Variants in PLCL1 observed in about 807,000 individuals in gnomAD.
The protein encoded by PLCL1 is phospholipase C like 1 (inactive), also known as inactive phospholipase C-like protein 1.
A neutral mutation model predicts 84.4 loss-of-function variants in PLCL1; 41 were observed. The ratio of observed to expected loss-of-function variants is 0.49; its 90% CI spans 0.38 to 0.63. PLCL1 has a LOEUF of 0.63. Among genes scored for constraint, PLCL1 ranks in the 30% least tolerant of loss-of-function variants. PLCL1 has a pLI of 0.00. For synonymous variants in PLCL1, 490 were observed against 488.3 expected (o/e 1.00, Z -0.05); for missense variants, 1,206 against 1,367.8 (o/e 0.88, Z 1.87).
chr2:197,908,072 GA>G (rs1559041938), intron 1 of PLCL1, among the ~76,000 whole-genome samples: 1 of 152,170 alleles, frequency 6.6e-6, no homozygotes, highest in Non-Finnish European at 1.5e-5. Flanking sequence ...TGAGAAAGAA[GA>G]TGAGTATAAG....
intron 1 of PLCL1, among the ~76,000 whole-genome samples, chr2:197,861,782 A>C (rs1019898985): frequency 9.2e-5 from 14 of 152,272 alleles, no homozygotes; most frequent in African/African-American, 3.4e-4. Context: ...CTACCCCTAC[A>C]TTTGGTCACA....
At chr2:198,142,328 C>T (rs1052840572) in intron 5 of PLCL1, among the ~76,000 whole-genome samples, 3 of 151,980 alleles carry the variant, frequency 2.0e-5, no homozygotes, top group Non-Finnish European at 4.4e-5. Context: ...TAAATGTTAG[C>T]TGCTGTTTAG....
rs186356740 is a variant in PLCL1 at position 197,989,991 on chromosome 2, T to A, written c.241-93767T>A. ...TAGATTACAGTTGGAGAATCCCATT[T>A]TGCTAAAGATAGTATTGAGTCTGGA... On this transcript the variant is annotated intron_variant, in intron 1 of 5. Transcript: ENST00000428675. Among the ~76,000 whole-genome samples the A allele has an allele frequency of 1.9e-4, 29 of 152,310 alleles. No homozygotes were observed. The East Asian group carries it at 5.2e-3, about 27-fold the overall frequency.
chr2:197,808,488 C>T (rs1466518245), intron 1 of PLCL1, among the ~76,000 whole-genome samples: 1 of 151,962 alleles, frequency 6.6e-6, no homozygotes, highest in Non-Finnish European at 1.5e-5. Flanking sequence ...GTGGTTTGTT[C>T]CCTTTAGCAT....
intron 1 of PLCL1, among the ~76,000 whole-genome samples, chr2:197,960,661 C>A (rs1231924025): frequency 6.6e-6 from 1 of 151,990 alleles, no homozygotes; most frequent in Non-Finnish European, 1.5e-5. Flanking sequence ...CTTAGAGGAC[C>A]AAGATTTGCT....
chr2:197,859,888 T>G (rs981636793), intron 1 of PLCL1, among the ~76,000 whole-genome samples: 2 of 152,146 alleles, frequency 1.3e-5, no homozygotes, highest in Non-Finnish European at 2.9e-5. Context: ...AAAAAATTTT[T>G]TTAAGTTCAG....
rs767387425 is a variant in PLCL1 at position 198,146,990 on chromosome 2, A to G, written c.*28A>G. ...CTGGGCATTATCGACACGTTCACCC[A>G]TCTTATCAAGGACTCTGGTTTCTCA... On this transcript the variant is annotated 3_prime_UTR_variant, in exon 6 of 6. Transcript: ENST00000428675. 7 of 1,539,874 alleles carry G rather than the reference A, an allele frequency of 4.5e-6. No individual in the cohort carries two copies. The East Asian group carries it at 1.1e-4, about 25-fold the overall frequency.
chr2:197,981,798 T>C (rs937392044), intron 1 of PLCL1, among the ~76,000 whole-genome samples: 1 of 152,212 alleles, frequency 6.6e-6, no homozygotes, highest in African/African-American at 2.4e-5. Flanking sequence ...AGGGCCATAC[T>C]GCAGGAAAGA....
At position 197,959,383 on chromosome 2, in the gene PLCL1, A is replaced by T. The variant is rs375265837; in HGVS notation, c.241-124375A>T. On this transcript the variant is annotated intron_variant, in intron 1 of 5. Transcript: ENST00000428675. The stretch of plus-strand genomic sequence containing the variant: ...GTCTTCTACTGATTGGATAAGACCT[A>T]CCCACATTGTGGACGGTGATCTGCT... Among the ~76,000 whole-genome samples the T allele has an allele frequency of 4.6e-5, 7 of 152,134 alleles. No individual in the cohort carries two copies. In the East Asian group the frequency reaches 1.4e-3, roughly 29 times the overall value.
In PLCL1 at chr2:198,028,197, A is replaced by C. The variant is rs184177323; in HGVS notation, c.241-55561A>C. On this transcript the variant is annotated intron_variant, in intron 1 of 5. Coordinates refer to ENST00000428675, the MANE Select transcript of PLCL1 (RefSeq NM_006226.4). ...GTAAATCAAAGACTTTCTCAAAATA[A>C]AAAGTTAAAAGTAAAAATTTATACC... Among the ~76,000 whole-genome samples, 722 of 152,352 alleles carry C rather than the reference A, an allele frequency of 4.7e-3. 4 individuals carry two copies. The highest frequency in any genetic ancestry group is 0.017 in the African/African-American group (696 of 41,578).
At chr2:197,867,249 T>C (rs944464727) in intron 1 of PLCL1, among the ~76,000 whole-genome samples, 1 of 152,190 alleles carries the variant, frequency 6.6e-6, no homozygotes, top group Non-Finnish European at 1.5e-5. Flanking sequence ...GATCTCATTT[T>C]ATTCTTTCTC....
intron 1 of PLCL1, among the ~76,000 whole-genome samples, chr2:197,968,229 A>G (rs984476911): frequency 6.6e-6 from 1 of 152,202 alleles, no homozygotes; most frequent in African/African-American, 2.4e-5. Flanking sequence ...AATCTTCACT[A>G]GTAAATGAGA....
At chr2:198,030,588 G>A (rs1288694727) in intron 1 of PLCL1, among the ~76,000 whole-genome samples, 4 of 152,154 alleles carry the variant, frequency 2.6e-5, no homozygotes, top group Admixed American at 2.6e-4. Flanking sequence ...GATAATCATA[G>A]TAGTTATCAT....
intron 5 of PLCL1, among the ~76,000 whole-genome samples, chr2:198,138,450 C>T (rs1393153885): frequency 6.6e-6 from 1 of 152,148 alleles, no homozygotes. Flanking sequence ...CCAGGGTTTA[C>T]AATTCAACAT....
At chr2:198,089,153 A>T (rs187943141) in intron 3 of PLCL1, 92 bp downstream of exon 3, 1 of 875,842 alleles carries the variant, frequency 1.1e-6, no homozygotes, top group East Asian at 2.4e-5. Context: ...AATGAATAAC[A>T]CAGGGTGACT....
intron 5 of PLCL1, among the ~76,000 whole-genome samples, chr2:198,114,705 T>C (rs1693697540): frequency 6.6e-6 from 1 of 151,890 alleles, no homozygotes; most frequent in Non-Finnish European, 1.5e-5. Context: ...TTTTCTGATA[T>C]TGTTACTCAA....
At chr2:198,008,813 C>A (rs1690796330) in intron 1 of PLCL1, among the ~76,000 whole-genome samples, 1 of 152,020 alleles carries the variant, frequency 6.6e-6, no homozygotes, top group Non-Finnish European at 1.5e-5. Flanking sequence ...ATTTTACATT[C>A]CCACCAATAA....
intron 1 of PLCL1, among the ~76,000 whole-genome samples, chr2:197,965,149 A>C (rs566715636): frequency 6.6e-6 from 1 of 152,080 alleles, no homozygotes; most frequent in South Asian, 2.1e-4. Flanking sequence ...TTTTTCTTTA[A>C]ATATTTGGTA....
chr2:198,088,951 A>C lies in PLCL1; in HGVS notation c.2809A>C (p.Ser937Arg). ...LLTLSSRLIT[S>R]DNTPSVSLVM... Reference sequence around the variant, plus strand: ...AACTCTGTCATCTCGGCTCATCACCAGTGACAATACTCCTTCAGTCTCACT... The same window carrying C: ...AACTCTGTCATCTCGGCTCATCACCCGTGACAATACTCCTTCAGTCTCACT... The change falls in exon 3 of 6, where the codon AGT (serine) becomes CGT (arginine). Residue 937 changes from serine (S) to arginine (R), a missense_variant. Transcript: ENST00000428675. The C allele has an allele frequency of 6.2e-7, 1 of 1,612,772 alleles. No homozygotes were observed. The highest frequency in any genetic ancestry group is 1.7e-5 in the Admixed American group (1 of 60,016).
Sources: allele counts gnomAD v4.1 joint callset (sites outside exome capture counted in the v4.1 genomes callset), GRCh38; gene constraint gnomAD v4.1.1; transcripts MANE v1.5; gene names NCBI Gene and HGNC (gene_info 2026-07-23, HGNC 2026-07-21).